Variants in TMCC2 observed in about 807,000 individuals in gnomAD.
TMCC2 encodes the protein transmembrane and coiled-coil domain family 2.
TMCC2 carries 16 observed loss-of-function variants against 49.4 expected under a neutral mutation model. The ratio of observed to expected loss-of-function variants is 0.32; its 90% CI spans 0.22 to 0.49. TMCC2 has a LOEUF of 0.49. TMCC2 is among the 20% of genes least tolerant of loss of function. TMCC2 has a pLI of 0.99. For synonymous variants in TMCC2, 397 were observed against 434.1 expected, an observed-to-expected ratio of 0.91 and a Z score of 1.06; for missense variants, 762 against 989.8, an observed-to-expected ratio of 0.77 and a Z score of 3.09.
At chr1:205,268,767 G>T in intron 2 of TMCC2, 183 bp from the exon 3 acceptor site, 2 of 624,022 alleles carry the variant, frequency 3.2e-6, no homozygotes, top group Admixed American at 2.9e-5. Flanking sequence ...TGGGGACGGG[G>T]TAGAGAGCAG....
chr1:205,238,223 A>C (rs1295224983), intron 1 of TMCC2, among the ~76,000 whole-genome samples: 3 of 151,718 alleles, frequency 2.0e-5, no homozygotes, highest in Admixed American at 2.0e-4. Flanking sequence ...GTAGCTGGTT[A>C]TGTGTATGTG....
At chr1:205,242,977 C>T (rs890352240) in intron 2 of TMCC2, among the ~76,000 whole-genome samples, 4 of 152,156 alleles carry the variant, frequency 2.6e-5, no homozygotes, top group Non-Finnish European at 4.4e-5. Flanking sequence ...GACAGGTAGG[C>T]AGAGGCCACA....
chr1:205,246,982 A>G (rs17417252), intron 2 of TMCC2, among the ~76,000 whole-genome samples: 42,314 of 151,900 alleles, frequency 0.28, 6,137 homozygotes, highest in South Asian at 0.43. Flanking sequence ...ACTGTGCCCA[A>G]GATATCCAGA....
intron 1 of TMCC2, chr1:205,233,863 T>C (rs1477380651): frequency 6.6e-6 from 1 of 152,140 alleles, no homozygotes; most frequent in African/African-American, 2.4e-5. Flanking sequence ...TTTCTCCTTT[T>C]TTTTTTAAAG....
At chr1:205,256,564 C>T (rs1023509561) in intron 2 of TMCC2, 2 of 861,486 alleles carry the variant, frequency 2.3e-6, no homozygotes, top group Non-Finnish European at 3.7e-6. Flanking sequence ...CAGAAGAATT[C>T]CCCTGGTGAG....
intron 1 of TMCC2, among the ~76,000 whole-genome samples, chr1:205,239,030 G>C (rs1438905828): frequency 6.6e-6 from 1 of 152,152 alleles, no homozygotes; most frequent in Non-Finnish European, 1.5e-5. Flanking sequence ...GCTCTCCCCA[G>C]CACCTCCACC....
intron 2 of TMCC2, among the ~76,000 whole-genome samples, chr1:205,259,872 C>T (rs530830901): frequency 2.0e-5 from 3 of 152,230 alleles, no homozygotes; most frequent in African/African-American, 4.8e-5. Context: ...CCCAGGTGTG[C>T]GTGGGCTGAG....
intron 3 of TMCC2, among the ~76,000 whole-genome samples, chr1:205,270,427 G>A (rs912904763): frequency 3.2e-4 from 48 of 152,188 alleles, no homozygotes; most frequent in African/African-American, 1.0e-3. Context: ...CTGGAACAGA[G>A]CTGACATCTC....
At chr1:205,268,764 G>A (rs113026749) in intron 2 of TMCC2, 186 bp from the exon 3 acceptor site, 198 of 617,890 alleles carry the variant, frequency 3.2e-4, no homozygotes, top group East Asian at 1.0e-3. Context: ...CTGTGGGGAC[G>A]GGGTAGAGAG....
chr1:205,260,300 G>A (rs961045793), intron 2 of TMCC2, among the ~76,000 whole-genome samples: 25 of 152,216 alleles, frequency 1.6e-4, no homozygotes, highest in African/African-American at 6.0e-4. Flanking sequence ...CTCTGTGATG[G>A]TCTGGAGAGA....
chr1:205,243,471 G>T (rs148196253), intron 2 of TMCC2, among the ~76,000 whole-genome samples: 1 of 152,218 alleles, frequency 6.6e-6, no homozygotes, highest in Non-Finnish European at 1.5e-5. Flanking sequence ...AGCTAGTGCA[G>T]TAGTCTAGGC....
chr1:205,252,968 A>T (rs12071159), intron 2 of TMCC2, among the ~76,000 whole-genome samples: 9,141 of 151,320 alleles, frequency 0.06, 312 homozygotes, highest in African/African-American at 0.092. Flanking sequence ...TAAAAAAAAA[A>T]AATAATAATA....
chr1:205,244,755 T>G (rs10900473), intron 2 of TMCC2, among the ~76,000 whole-genome samples: 33,789 of 151,964 alleles, frequency 0.22, 4,284 homozygotes, highest in East Asian at 0.51. Context: ...CAGAGAATGC[T>G]CAAAAGGTTG....
At chr1:205,237,775 T>C (rs566782714) in intron 1 of TMCC2, among the ~76,000 whole-genome samples, 1 of 152,350 alleles carries the variant, frequency 6.6e-6, no homozygotes, top group South Asian at 2.1e-4. Flanking sequence ...AGAAGCCATC[T>C]AGTCCTCCCT....
Position 205,228,777 on chromosome 1 carries a change from C to T in TMCC2, c.207+6C>T, listed in dbSNP as rs183612449. On this transcript the variant is annotated splice_donor_region_variant and intron_variant, in intron 1 of 4. Transcript: ENST00000358024. ...GCAAGCCTCCTGATTTAAAGGTGAGCGCAGACCATCCCCCCGGCAAGCCCA... is the reference window on the plus strand; with the variant it reads ...GCAAGCCTCCTGATTTAAAGGTGAGTGCAGACCATCCCCCCGGCAAGCCCA... 1.2e-5 allele frequency: 19 copies of T among 1,590,328 alleles called. No individual in the cohort carries two copies. The African/African-American group carries it at 2.6e-4, about 21-fold the overall frequency.
intron 2 of TMCC2, among the ~76,000 whole-genome samples, chr1:205,247,541 A>T (rs924863785): frequency 5.3e-5 from 8 of 152,294 alleles, no homozygotes; most frequent in African/African-American, 1.7e-4. Flanking sequence ...TCACAGAGGA[A>T]AAAGGTCTTC....
intron 2 of TMCC2, among the ~76,000 whole-genome samples, chr1:205,263,360 C>T (rs76203089): frequency 0.01 from 1,538 of 152,234 alleles, 22 homozygotes; most frequent in African/African-American, 0.036. Flanking sequence ...CTGGGGAGAA[C>T]TCCTTTCTTT....
rs370837821 is a variant in TMCC2, at chr1:205,239,835, C to A, written c.208-1670C>A. Among the ~76,000 whole-genome samples the A allele has an allele frequency of 7.2e-5, 11 of 152,234 alleles. No homozygotes were observed. In the East Asian group the frequency reaches 1.9e-3, roughly 27 times the overall value. On this transcript the variant is annotated intron_variant, in intron 1 of 4. Coordinates refer to ENST00000358024, the MANE Select transcript of TMCC2 (RefSeq NM_014858.4). The stretch of plus-strand genomic sequence containing the variant: ...TACAGTTATTGTATCCAGCTGTAAG[C>A]GCAGCCATCTGCACAAACTCAAGGC...
intron 2 of TMCC2, 70 bp from the exon 3 acceptor site, chr1:205,268,880 A>G: frequency 6.7e-7 from 1 of 1,488,314 alleles, no homozygotes. Flanking sequence ...AACCAAGTCC[A>G]GAGGCATCCA....
Sources: gnomAD v4.1 joint callset for allele counts (sites outside exome capture counted in the v4.1 genomes callset) on GRCh38, gnomAD v4.1.1 for gene constraint, MANE v1.5 for transcripts, NCBI Gene and HGNC (gene_info 2026-07-23, HGNC 2026-07-21) for gene names.